The following ITGB7 variants were observed in gnomAD, a reference collection of about 807,000 sequenced individuals.
ITGB7 encodes the protein integrin beta-7.
Under a neutral mutation model 83.4 loss-of-function variants are expected in ITGB7, and 55 were observed. That is an observed-to-expected ratio of 0.66 (90% CI 0.53 to 0.83). The LOEUF (loss-of-function observed/expected upper bound fraction) is 0.83. Among genes scored for constraint, ITGB7 ranks in the 40% least tolerant of loss-of-function variants. The pLI, the probability that ITGB7 is intolerant of heterozygous loss-of-function variation, is 0.00. For synonymous variants in ITGB7, 454 were observed against 423.6 expected (o/e 1.07, Z -0.88); for missense variants, 921 against 1,046.7 (o/e 0.88, Z 1.66).
intron 1 of ITGB7, among the ~76,000 whole-genome samples, chr12:53,204,138 G>A (rs1460485655): frequency 6.6e-6 from 1 of 152,138 alleles, no homozygotes; most frequent in African/African-American, 2.4e-5. Flanking sequence ...CCAGCACTTT[G>A]GGAGGCCGAG....
At chr12:53,203,908 G>A (rs1942377055) in intron 1 of ITGB7, among the ~76,000 whole-genome samples, 1 of 151,958 alleles carries the variant, frequency 6.6e-6, no homozygotes, top group African/African-American at 2.4e-5. Context: ...TTCACTCTTA[G>A]GTATATACTC....
rs188562913 is a variant in ITGB7 at position 53,203,980 on chromosome 12, C to T, written c.-126-2786G>A. 2.6e-5 allele frequency among the ~76,000 whole-genome samples: 4 copies of T among 152,248 alleles called. No homozygotes were observed. The East Asian group carries it at 7.7e-4, about 29-fold the overall frequency. Reference sequence around the variant, plus strand: ...TACAGAAATGTTCACAGCAGCACTACTCACAATAGCTAAAAGGTAGAAAGA... The same window carrying T: ...TACAGAAATGTTCACAGCAGCACTATTCACAATAGCTAAAAGGTAGAAAGA... On this transcript the variant is annotated intron_variant, in intron 1 of 15. Transcript: ENST00000267082.
At chr12:53,195,314 C>T (rs1413225750) in intron 9 of ITGB7, 60 bp downstream of exon 9, 1 of 1,247,896 alleles carries the variant, frequency 8.0e-7, no homozygotes, top group Non-Finnish European at 1.2e-6. Flanking sequence ...CACCCAAGGG[C>T]CCCTTTCCAC....
chr12:53,191,976 C>G lies in ITGB7; in HGVS notation c.2199G>C (p.Gly733=). The G allele has an allele frequency of 1.9e-6, 3 of 1,612,632 alleles. No homozygotes were observed. Among genetic ancestry groups the G allele is most frequent in the Non-Finnish European group, 2.5e-6 (3 of 1,179,978 alleles). Residue 733 remains glycine (G), a synonymous_variant, in exon 15 of 16, where the codon GGG becomes GGC. Coordinates refer to ENST00000267082, the MANE Select transcript of ITGB7 (RefSeq NM_000889.3). ...HTQAIVLGCV[G]GIVAVGLGLV... is the part of the protein sequence containing the mutation. ...GCCCCAGCCCCACTGCCACGATGCCCCCTACGCAGCCCAGCACAATGGCCT... is the reference window on the plus strand; with the variant it reads ...GCCCCAGCCCCACTGCCACGATGCCGCCTACGCAGCCCAGCACAATGGCCT...
intron 5 of ITGB7, 161 bp downstream of exon 5, chr12:53,197,332 G>C (rs775319164): frequency 1.0e-5 from 8 of 764,240 alleles, no homozygotes; most frequent in Non-Finnish European, 1.9e-5. Context: ...TAGAAGATGG[G>C]TGTCTAGGGA....
At position 53,194,311 on chromosome 12, in the gene ITGB7, AAG is replaced by A. The variant is rs755819933; in HGVS notation, c.1193_1194del (p.Ser398PhefsTer15). 1.2e-6 allele frequency: 2 copies of A among 1,613,874 alleles called. No homozygotes were observed. The highest frequency in any genetic ancestry group is 1.7e-6 in the Non-Finnish European group (2 of 1,179,980). On this transcript the variant is annotated frameshift_variant, in exon 10 of 16. Coordinates refer to ENST00000267082, the MANE Select transcript of ITGB7 (RefSeq NM_000889.3). LOFTEE classifies it high-confidence loss of function. ...SLSSTVTLEH[S>X]SLPPGVHISY... ...GAAATGTGGACCCCAGGAGGGAGTG[AAG>A]AGTGTTCAAGGGTCACGGTGGAAGA...
intron 10 of ITGB7, 22 bp from the exon 11 acceptor site, chr12:53,193,923 G>C (rs770201442): frequency 1.2e-6 from 2 of 1,601,176 alleles, no homozygotes; most frequent in Non-Finnish European, 1.7e-6. Context: ...CAGGAATCAG[G>C]CCATGGTTAT....
Position 53,197,452 on chromosome 12 carries a change from T to C in ITGB7, c.574+41A>G, listed in dbSNP as rs1313956154. The C allele has an allele frequency of 3.1e-6, 5 of 1,612,034 alleles. 1 individual carries two copies. Among genetic ancestry groups the C allele is most frequent in the Middle Eastern group, 3.3e-4 (2 of 6,054 alleles). On this transcript the variant is annotated intron_variant, in intron 5 of 15. Transcript: ENST00000267082. ...GGCAGAGGCTAGGGCAGTGGTTGAA[T>C]AGGCAAGGGCTAACAGGGCGGGAGG...
intron 3 of ITGB7, among the ~76,000 whole-genome samples, chr12:53,199,688 AC>A (rs1351609754): frequency 6.6e-6 from 1 of 150,450 alleles, no homozygotes; most frequent in East Asian, 2.0e-4. Flanking sequence ...CCATCCCCCA[AC>A]CCCATCCCCA....
At chr12:53,202,630 C>A (rs1007969778) in intron 1 of ITGB7, among the ~76,000 whole-genome samples, 1 of 151,148 alleles carries the variant, frequency 6.6e-6, no homozygotes, top group Admixed American at 6.6e-5. Flanking sequence ...GCTGGGATTA[C>A]AGGCATGAGC....
chr12:53,203,782 A>C (rs1427164760), intron 1 of ITGB7, among the ~76,000 whole-genome samples: 4 of 152,178 alleles, frequency 2.6e-5, no homozygotes, highest in Admixed American at 2.0e-4. Flanking sequence ...GAGAACATGG[A>C]GAAATTGGGA....
At chr12:53,192,119 T>C in intron 14 of ITGB7, 100 bp from the exon 15 acceptor site, 1 of 1,445,840 alleles carries the variant, frequency 6.9e-7, no homozygotes, top group Non-Finnish European at 9.3e-7. Context: ...TGTCTGTCAC[T>C]GAAAGCAAAG....
At chr12:53,195,205 G>A (rs748618271) in intron 9 of ITGB7, 169 bp downstream of exon 9, 63 of 609,092 alleles carry the variant, frequency 1.0e-4, no homozygotes, top group Admixed American at 2.0e-4. Context: ...ATTTATGAAT[G>A]TAAGATTGAA....
At chr12:53,206,704 C>T (rs1236810185) in intron 1 of ITGB7, 2 of 152,298 alleles carry the variant, frequency 1.3e-5, no homozygotes, top group Non-Finnish European at 1.5e-5. Context: ...CTCTGCTGCC[C>T]ACTGGGAGTC....
intron 1 of ITGB7, among the ~76,000 whole-genome samples, chr12:53,206,077 G>A (rs555640808): frequency 2.6e-5 from 4 of 152,146 alleles, no homozygotes; most frequent in Admixed American, 6.5e-5. Flanking sequence ...CCCTTAAAGG[G>A]GGCCCTGGGA....
chr12:53,195,553 G>C, intron 8 of ITGB7, 73 bp downstream of exon 8: 2 of 1,524,940 alleles, frequency 1.3e-6, no homozygotes, highest in Non-Finnish European at 1.8e-6. Flanking sequence ...ATGGGGGACG[G>C]AGAATGTATC....
At position 53,197,480 on chromosome 12, in the gene ITGB7, G is replaced by A. The variant is rs768203276; in HGVS notation, c.574+13C>T. ...GCAAGGGCTAACAGGGCGGGAGGCA[G>A]CGCTCGGCTCACCAATGCGCACAGA... On this transcript the variant is annotated intron_variant, in intron 5 of 15. Coordinates refer to ENST00000267082, the MANE Select transcript of ITGB7 (RefSeq NM_000889.3). 1 of 1,614,108 alleles carries A rather than the reference G, an allele frequency of 6.2e-7. No homozygotes were observed. The highest frequency in any genetic ancestry group is 8.5e-7 in the Non-Finnish European group (1 of 1,179,974).
In ITGB7 at chr12:53,200,455, G is replaced by C; in HGVS notation, c.-3-9C>G. On this transcript the variant is annotated splice_polypyrimidine_tract_variant and intron_variant, in intron 2 of 15. Coordinates refer to ENST00000267082, the MANE Select transcript of ITGB7 (RefSeq NM_000889.3). ...GGCAAAGCCACCATGCCCTGTAATA[G>C]GATATAAAGGGGGACATGTGGGTCC... 6.2e-7 allele frequency: 1 copy of C among 1,612,262 alleles called. No homozygotes were observed.
At chr12:53,195,162 G>T (rs1942113792) in intron 9 of ITGB7, 2 of 583,962 alleles carry the variant, frequency 3.4e-6, no homozygotes, top group East Asian at 2.8e-5. Flanking sequence ...CCAGAGCAGA[G>T]CTCCATGCTG....
Sources: gnomAD v4.1 joint callset for allele counts (sites outside exome capture counted in the v4.1 genomes callset) on GRCh38, gnomAD v4.1.1 for gene constraint, MANE v1.5 for transcripts, NCBI Gene and HGNC (gene_info 2026-07-23, HGNC 2026-07-21) for gene names.